The following DLGAP4 variants were observed in gnomAD, a reference collection of about 807,000 sequenced individuals.
DLGAP4 encodes the protein DLG associated protein 4.
DLGAP4 carries 18 observed loss-of-function variants against 86.9 expected under a neutral mutation model. The observed-to-expected ratio is 0.21, with a 90% CI of 0.14 to 0.31. The LOEUF (loss-of-function observed/expected upper bound fraction) is 0.31. Ranked by LOEUF, DLGAP4 falls within the 10% of genes least tolerant of loss-of-function variation. The pLI is 1.00. For synonymous variants in DLGAP4, 548 were observed against 574.3 expected (o/e 0.95, Z 0.65); for missense variants, 1,085 against 1,362.6 (o/e 0.80, Z 3.21).
At chr20:36,479,423 G>A (rs547743075) in intron 7 of DLGAP4, among the ~76,000 whole-genome samples, 46 of 152,164 alleles carry the variant, frequency 3.0e-4, no homozygotes, top group Non-Finnish European at 5.1e-4. Flanking sequence ...GCCTTCAGGA[G>A]GCTCAGGGTC....
Position 36,447,050 on chromosome 20 carries a change from C to T in DLGAP4, c.1648+113C>T, listed in dbSNP as rs1422899700. The T allele has an allele frequency of 1.4e-5, 20 of 1,459,156 alleles. 1 individual carries two copies. The highest frequency in any genetic ancestry group is 2.8e-5 in the African/African-American group (2 of 70,672). 90.4% of individuals were successfully genotyped at this position (1,459,156 alleles called of 1,614,324 possible). A position where few individuals can be genotyped will look rare whatever the true frequency, so the allele number is the denominator to read the frequency against. ...GGGAGGAATCTGTCTCAGGCTGGCC[C>T]GCACCAGGGGGATGGTTGGGAGCAA... On this transcript the variant is annotated intron_variant, in intron 7 of 12. Transcript: ENST00000339266.
chr20:36,357,141 G>A (rs753008763), intron 1 of DLGAP4, among the ~76,000 whole-genome samples: 3 of 152,078 alleles, frequency 2.0e-5, no homozygotes, highest in Non-Finnish European at 4.4e-5. Context: ...CAGGACCCTC[G>A]TGAGCGAGCC....
intron 1 of DLGAP4, among the ~76,000 whole-genome samples, chr20:36,328,708 A>C (rs1378966393): frequency 6.6e-6 from 1 of 151,826 alleles, no homozygotes; most frequent in Non-Finnish European, 1.5e-5. Context: ...GTCTCACTGC[A>C]ACCTCCACCT....
intron 2 of DLGAP4, among the ~76,000 whole-genome samples, chr20:36,422,442 C>T (rs939030066): frequency 6.6e-6 from 1 of 151,976 alleles, no homozygotes; most frequent in East Asian, 1.9e-4. Context: ...AAGGGAAGGG[C>T]CGTCAAGAAA....
At chr20:36,372,291 T>A (rs2147425674) in intron 2 of DLGAP4, among the ~76,000 whole-genome samples, 1 of 152,274 alleles carries the variant, frequency 6.6e-6, no homozygotes, top group East Asian at 1.9e-4. Flanking sequence ...TCCCCAGGCT[T>A]ACCTCTCCCT....
rs143957218 is a variant in DLGAP4 at position 36,347,747 on chromosome 20, G to A, written c.-303-19298G>A. Among the ~76,000 whole-genome samples the A allele has an allele frequency of 6.9e-3, 1,035 of 150,352 alleles. 4 individuals carry two copies. The highest frequency in any genetic ancestry group is 0.027 in the Middle Eastern group (8 of 294). ...AGGCTGAGGCAGGAGGATCACTTGG[G>A]CCCAAAAGTTTGAGGCCACAGTGAG... On this transcript the variant is annotated intron_variant, in intron 1 of 12. Transcript: ENST00000339266.
chr20:36,467,017 CCTCTCT>C (rs55778929), intron 7 of DLGAP4, among the ~76,000 whole-genome samples: 14,828 of 50,252 alleles, frequency 0.3, 3,068 homozygotes, highest in Non-Finnish European at 0.34. Flanking sequence ...CTCTCTCTCT[CCTCTCT>C]CTCTCTCTCT....
At chr20:36,408,091 A>T (rs1342977536) in intron 2 of DLGAP4, among the ~76,000 whole-genome samples, 1 of 151,718 alleles carries the variant, frequency 6.6e-6, no homozygotes, top group African/African-American at 2.4e-5. Context: ...GAGGAAGGAG[A>T]CACGGGGATC....
Position 36,496,848 on chromosome 20 carries a change from G to A in DLGAP4, c.1792G>A (p.Glu598Lys). ...CCTGGACAGCCAGGACCACAAGAGC[G>A]AGGTGACTAGCCAGTCGGGCCTGAG... ...TYLDSQDHKS[E>K]VTSQSGLSNS... Residue 598 changes from glutamate to lysine, a missense_variant, in exon 8 of 13, where the codon GAG becomes AAG. Around this residue, in one of 2 missense-constraint regions of DLGAP4, gnomAD observed 1,082 missense variants for 1,344.1 expected, o/e 0.81. Coordinates refer to ENST00000339266, the MANE Select transcript of DLGAP4 (RefSeq NM_001365621.2). 2 of 1,614,226 alleles carry A rather than the reference G, an allele frequency of 1.2e-6. No homozygotes were observed. Among genetic ancestry groups the A allele is most frequent in the South Asian group, 1.1e-5 (1 of 91,088 alleles).
rs2030102976 is a variant in DLGAP4, at chr20:36,350,168, G to T, written c.-303-16877G>T. On this transcript the variant is annotated intron_variant, in intron 1 of 12. Coordinates refer to ENST00000339266, the MANE Select transcript of DLGAP4 (RefSeq NM_001365621.2). This position sits in a 1 kb window ranked among gnomAD's most constrained non-coding sequence, Gnocchi z 4.4. ...GGGGATCTGCACAGGGACCCAGAAG[G>T]CTGGCGGGTGCCAAGCCTGGATCGT... Among the ~76,000 whole-genome samples, 1 of 152,244 alleles carries T rather than the reference G, an allele frequency of 6.6e-6. No homozygotes were observed. The highest frequency in any genetic ancestry group is 1.5e-5 in the Non-Finnish European group (1 of 68,038).
chr20:36,485,073 A>G (rs1452260225), intron 7 of DLGAP4, among the ~76,000 whole-genome samples: 2 of 152,298 alleles, frequency 1.3e-5, no homozygotes, highest in South Asian at 2.1e-4. Context: ...ACATTTTTCT[A>G]TGTGCTGGGA....
Position 36,496,735 on chromosome 20 carries a change from C to A in DLGAP4, c.1679C>A (p.Thr560Asn), listed in dbSNP as rs1251363990. 1 of 1,608,154 alleles carries A rather than the reference C, an allele frequency of 6.2e-7. No homozygotes were observed. Among genetic ancestry groups the A allele is most frequent in the African/African-American group, 1.3e-5 (1 of 74,792 alleles). Residue 560 changes from threonine (T) to asparagine (N), a missense_variant, in exon 8 of 13, where the codon ACC (threonine) becomes AAC (asparagine). By Grantham distance (65) the Thr-to-Asn change is moderately conservative. This residue lies in a region of DLGAP4 where 1,082 missense variants were observed against 1,344.1 expected (regional missense o/e 0.81). Coordinates refer to ENST00000339266, the MANE Select transcript of DLGAP4 (RefSeq NM_001365621.2). ...SSSCLVAYKK[T>N]PPPVPPRTTS... ...TCATGCCTAGTGGCGTATAAGAAGA[C>A]CCCGCCACCGGTCCCTCCACGCACC...
intron 1 of DLGAP4, among the ~76,000 whole-genome samples, chr20:36,322,025 G>A (rs2065173641): frequency 6.6e-6 from 1 of 152,162 alleles, no homozygotes; most frequent in African/African-American, 2.4e-5. Context: ...GACTCTCCTG[G>A]CCCTTAGGGA....
At chr20:36,424,290 G>A (rs1446767556) in intron 2 of DLGAP4, among the ~76,000 whole-genome samples, 2 of 152,188 alleles carry the variant, frequency 1.3e-5, no homozygotes, top group African/African-American at 4.8e-5. Flanking sequence ...TTCTGAATTG[G>A]GGCAAGGGAG....
Position 36,468,194 on chromosome 20 carries a change from C to T in DLGAP4, c.1648+21257C>T, listed in dbSNP as rs192857059. Reference sequence around the variant, plus strand: ...TACACACTGGACTGTGAGAAGGTTCCGGAGTTGTGCTGTGTATATGTCCAG... The same window carrying T: ...TACACACTGGACTGTGAGAAGGTTCTGGAGTTGTGCTGTGTATATGTCCAG... On this transcript the variant is annotated intron_variant, in intron 7 of 12. Coordinates refer to ENST00000339266, the MANE Select transcript of DLGAP4 (RefSeq NM_001365621.2). Among the ~76,000 whole-genome samples the T allele has an allele frequency of 3.6e-4, 55 of 152,296 alleles. No individual in the cohort carries two copies. The East Asian group carries it at 8.3e-3, about 23-fold the overall frequency.
At chr20:36,442,530 G>GTAAT (rs1203579229) in intron 5 of DLGAP4, among the ~76,000 whole-genome samples, 197 bp from the exon 6 acceptor site, 1 of 152,202 alleles carries the variant, frequency 6.6e-6, no homozygotes, top group Non-Finnish European at 1.5e-5. Flanking sequence ...TAAGTCCTCA[G>GTAAT]TAATGCCCAG....
intron 1 of DLGAP4, among the ~76,000 whole-genome samples, chr20:36,323,829 C>T (rs782809902): frequency 6.6e-5 from 10 of 152,278 alleles, no homozygotes; most frequent in Non-Finnish European, 1.5e-4. Flanking sequence ...CAGTAGGATT[C>T]GTACTCCTGT....
At position 36,446,956 on chromosome 20, in the gene DLGAP4, G is replaced by A; in HGVS notation, c.1648+19G>A. 1 of 1,584,990 alleles carries A rather than the reference G, an allele frequency of 6.3e-7. No homozygotes were observed. Among genetic ancestry groups the A allele is most frequent in the Non-Finnish European group, 8.6e-7 (1 of 1,160,134 alleles). The stretch of plus-strand genomic sequence containing the variant: ...CTTCCGAGTGAGTACTGTGATGAGG[G>A]AAGGGGTTTTTTTTCTTTTCAAGGG... On this transcript the variant is annotated intron_variant, in intron 7 of 12. Coordinates refer to ENST00000339266, the MANE Select transcript of DLGAP4 (RefSeq NM_001365621.2).
At chr20:36,489,593 G>A (rs2035568672) in intron 7 of DLGAP4, among the ~76,000 whole-genome samples, 1 of 131,684 alleles carries the variant, frequency 7.6e-6, no homozygotes, top group South Asian at 2.6e-4. Context: ...TGGTGCCACT[G>A]AATAGTTTCA....
Sources: allele counts gnomAD v4.1 joint callset (sites outside exome capture counted in the v4.1 genomes callset), GRCh38; gene constraint gnomAD v4.1.1; regional missense constraint gnomAD v4.1.1; non-coding constraint Gnocchi (gnomAD v3.1); transcripts MANE v1.5; gene names NCBI Gene and HGNC (gene_info 2026-07-23, HGNC 2026-07-21).